NRXN1: variants seen among roughly 807,000 people sequenced by gnomAD.
NRXN1 encodes neurexin 1, also known as neurexin-1.
A neutral mutation model predicts 150.9 loss-of-function variants in NRXN1; 39 were observed. The observed-to-expected ratio is 0.26, with a 90% CI of 0.20 to 0.34. NRXN1 has a LOEUF of 0.34. NRXN1 is among the 10% of genes least tolerant of loss of function. NRXN1 has a pLI of 1.00. For synonymous variants in NRXN1, 924 were observed against 757.0 expected, an observed-to-expected ratio of 1.22 and a Z score of -3.62; for missense variants, 1,815 against 1,949.9, an observed-to-expected ratio of 0.93 and a Z score of 1.30.
chr2:49,962,740 GTCAGGAGA>G (rs1676205086), intron 21 of NRXN1, among the ~76,000 whole-genome samples: 1 of 152,124 alleles, frequency 6.6e-6, no homozygotes, highest in East Asian at 1.9e-4. Flanking sequence ...GGCTCATGAG[GTCAGGAGA>G]TCAAGACCAT....
chr2:50,228,595 G>A (rs2064633346), intron 18 of NRXN1, among the ~76,000 whole-genome samples: 1 of 151,988 alleles, frequency 6.6e-6, no homozygotes, highest in African/African-American at 2.4e-5. Context: ...CTTTGGGAGT[G>A]AGCAGCCGGC....
At chr2:50,271,074 A>G (rs1191990569) in intron 17 of NRXN1, among the ~76,000 whole-genome samples, 3 of 152,228 alleles carry the variant, frequency 2.0e-5, no homozygotes, top group African/African-American at 7.2e-5. Flanking sequence ...AAATGAAAAC[A>G]ATTCAGAATA....
At chr2:50,356,110 G>C (rs2153005357) in intron 17 of NRXN1, among the ~76,000 whole-genome samples, 1 of 151,096 alleles carries the variant, frequency 6.6e-6, no homozygotes, top group East Asian at 1.9e-4. Context: ...TTGCTGCCAA[G>C]TTGAATTACA....
At chr2:50,616,573 G>C (rs1455901145) in intron 8 of NRXN1, 1 of 152,054 alleles carries the variant, frequency 6.6e-6, no homozygotes, top group Non-Finnish European at 1.5e-5. Context: ...CAATGAAATA[G>C]AATCGGCCAT....
At chr2:50,215,601 T>C (rs1305612766) in intron 18 of NRXN1, among the ~76,000 whole-genome samples, 1 of 152,194 alleles carries the variant, frequency 6.6e-6, no homozygotes, top group African/African-American at 2.4e-5. Flanking sequence ...TTAATTTTCT[T>C]ATTCATGAAA....
chr2:50,149,615 T>C (rs904366486), intron 18 of NRXN1, among the ~76,000 whole-genome samples: 12 of 151,840 alleles, frequency 7.9e-5, no homozygotes, highest in African/African-American at 2.7e-4. Context: ...AAACTTACTA[T>C]GTTTTACTCT....
At chr2:50,828,437 C>A (rs1208139651) in intron 5 of NRXN1, among the ~76,000 whole-genome samples, 1 of 148,546 alleles carries the variant, frequency 6.7e-6, no homozygotes, top group Non-Finnish European at 1.5e-5. Context: ...TCAGACGGGG[C>A]GGCTGCCGGG....
chr2:51,024,670 G>A (rs10166346), intron 2 of NRXN1, among the ~76,000 whole-genome samples: 26,609 of 152,006 alleles, frequency 0.18, 3,559 homozygotes, highest in African/African-American at 0.37. Context: ...TGGAGGTTGG[G>A]GGAGAGATAA....
chr2:50,347,946 C>G lies in NRXN1; in HGVS notation c.3365-110976G>C. ...GCATTCTCCACGCATCAAAGGGACA[C>G]GTGTAAGGCGAAACGGGAACACCTA... On this transcript the variant is annotated intron_variant, in intron 17 of 22. Transcript: ENST00000401669. This position sits in a 1 kb window ranked among gnomAD's most constrained non-coding sequence, Gnocchi z 4.9. The G allele has an allele frequency of 1.7e-6, 1 of 579,818 alleles. No homozygotes were observed. Among genetic ancestry groups the G allele is most frequent in the Non-Finnish European group, 2.2e-6 (1 of 459,540 alleles). The allele number at this position is 579,818 out of a possible 1,614,324, so 35.9% of individuals were successfully genotyped here.
At chr2:50,927,112 T>G (rs530421375) in intron 2 of NRXN1, among the ~76,000 whole-genome samples, 1 of 151,994 alleles carries the variant, frequency 6.6e-6, no homozygotes, top group East Asian at 1.9e-4. Context: ...AATTGTACTT[T>G]ATAAACTCAT....
intron 21 of NRXN1, among the ~76,000 whole-genome samples, chr2:50,014,634 AT>A (rs1686267413): frequency 6.6e-6 from 1 of 152,158 alleles, no homozygotes; most frequent in South Asian, 2.1e-4. Flanking sequence ...TTTCAGTTAA[AT>A]TTCATTAATT....
chr2:50,551,634 C>T (rs1667555562), intron 9 of NRXN1, among the ~76,000 whole-genome samples: 1 of 152,070 alleles, frequency 6.6e-6, no homozygotes, highest in Non-Finnish European at 1.5e-5. Context: ...ATTTAGTTAT[C>T]TTCTATTATA....
intron 21 of NRXN1, among the ~76,000 whole-genome samples, chr2:49,968,974 A>T (rs906642179): frequency 6.6e-6 from 1 of 152,068 alleles, no homozygotes; most frequent in African/African-American, 2.4e-5. Context: ...ATTTTAACAG[A>T]TCTTAACTAA....
intron 19 of NRXN1, among the ~76,000 whole-genome samples, chr2:50,084,386 G>A (rs115729077): frequency 0.014 from 2,149 of 152,254 alleles, 53 homozygotes; most frequent in African/African-American, 0.049. Flanking sequence ...GTGAGAAATC[G>A]AGCGCAGTGC....
chr2:50,810,397 T>G (rs1668052419), intron 5 of NRXN1, among the ~76,000 whole-genome samples: 1 of 152,184 alleles, frequency 6.6e-6, no homozygotes, highest in Admixed American at 6.5e-5. Context: ...CTCTGAAACT[T>G]GAGAGGGAAC....
intron 8 of NRXN1, among the ~76,000 whole-genome samples, chr2:50,617,495 T>A (rs1332136720): frequency 1.3e-5 from 2 of 151,202 alleles, no homozygotes; most frequent in Non-Finnish European, 2.9e-5. Flanking sequence ...ATTGTGCTGA[T>A]ATCCTTCCAA....
intron 5 of NRXN1, among the ~76,000 whole-genome samples, chr2:50,757,720 T>C (rs1445959321): frequency 1.3e-5 from 2 of 151,732 alleles, no homozygotes; most frequent in African/African-American, 2.4e-5. Flanking sequence ...TAGTCTTTGA[T>C]TGGGCATGAC....
chr2:50,478,372 A>G (rs1184947538), intron 15 of NRXN1, among the ~76,000 whole-genome samples: 1 of 152,222 alleles, frequency 6.6e-6, no homozygotes, highest in Admixed American at 6.5e-5. Flanking sequence ...GAACAATGAA[A>G]ACTATACAAG....
At chr2:50,627,174 T>G (rs1359779228) in intron 5 of NRXN1, among the ~76,000 whole-genome samples, 1 of 151,890 alleles carries the variant, frequency 6.6e-6, no homozygotes, top group Non-Finnish European at 1.5e-5. Flanking sequence ...GTAATAAGTT[T>G]CTTTTGGCAT....
Sources: allele counts gnomAD v4.1 joint callset (sites outside exome capture counted in the v4.1 genomes callset), GRCh38; gene constraint gnomAD v4.1.1; non-coding constraint Gnocchi (gnomAD v3.1); transcripts MANE v1.5; gene names NCBI Gene and HGNC (gene_info 2026-07-23, HGNC 2026-07-21).